Variants in CHN2 observed in about 807,000 individuals in gnomAD.
The protein encoded by CHN2 is beta-chimaerin.
A neutral mutation model predicts 56.3 loss-of-function variants in CHN2; 35 were observed. The ratio of observed to expected loss-of-function variants is 0.62; its 90% confidence interval spans 0.47 to 0.82. The LOEUF is 0.82. Ranked by LOEUF, CHN2 falls within the 40% of genes least tolerant of loss-of-function variation. The pLI, the probability that CHN2 is intolerant of heterozygous loss-of-function variation, is 0.00. For missense variants in CHN2, 491 were observed against 580.5 expected, an observed-to-expected ratio of 0.85 and a Z score of 1.58; for synonymous variants, 210 against 212.8, an observed-to-expected ratio of 0.99 and a Z score of 0.12.
intron 1 of CHN2, among the ~76,000 whole-genome samples, chr7:29,318,295 A>G (rs1310995632): frequency 2.0e-5 from 3 of 152,216 alleles, no homozygotes; most frequent in African/African-American, 7.2e-5. Context: ...ACCCAGCCAA[A>G]TTAATTGGCC....
At chr7:29,378,071 A>G (rs1366246674) in intron 3 of CHN2, among the ~76,000 whole-genome samples, 1 of 152,198 alleles carries the variant, frequency 6.6e-6, no homozygotes, top group Admixed American at 6.5e-5. Flanking sequence ...TTGCTCTGTC[A>G]TGGTTCTCAG....
chr7:29,293,404 T>G (rs1246224601), intron 1 of CHN2, among the ~76,000 whole-genome samples: 1 of 113,702 alleles, frequency 8.8e-6, no homozygotes, highest in Non-Finnish European at 1.7e-5. Flanking sequence ...CCACTCTCAG[T>G]CCTTGCCTTA....
At chr7:29,361,711 C>T (rs577289968) in intron 2 of CHN2, among the ~76,000 whole-genome samples, 1 of 152,276 alleles carries the variant, frequency 6.6e-6, no homozygotes, top group Admixed American at 6.5e-5. Flanking sequence ...GGGATTTAGC[C>T]TGTTGACATA....
At chr7:29,380,477 G>C (rs1288082192) in intron 3 of CHN2, among the ~76,000 whole-genome samples, 1 of 152,304 alleles carries the variant, frequency 6.6e-6, no homozygotes, top group East Asian at 1.9e-4. Context: ...CCATCTCCCA[G>C]ATTCTGTTCT....
At chr7:29,282,476 C>A (rs921999656) in intron 1 of CHN2, among the ~76,000 whole-genome samples, 2 of 152,146 alleles carry the variant, frequency 1.3e-5, no homozygotes, top group Admixed American at 1.3e-4. Context: ...AAATTGCAAA[C>A]CAGGGATGAT....
chr7:29,381,106 G>A (rs954680505), intron 3 of CHN2, among the ~76,000 whole-genome samples: 3 of 152,140 alleles, frequency 2.0e-5, no homozygotes. Context: ...TCTGGATTTT[G>A]AGTCTCCTTT....
chr7:29,174,461 A>G (rs1562808100), intron 2 of CHN2, among the ~76,000 whole-genome samples: 1 of 152,168 alleles, frequency 6.6e-6, no homozygotes, highest in Non-Finnish European at 1.5e-5. Flanking sequence ...CTGTCCAGAC[A>G]AGGGACAGGT....
intron 3 of CHN2, among the ~76,000 whole-genome samples, chr7:29,373,216 C>T (rs559565520): frequency 6.6e-6 from 1 of 150,992 alleles, no homozygotes; most frequent in African/African-American, 2.4e-5. Context: ...GCTTTGTCGC[C>T]CCCGAGCTGG....
chr7:29,500,561 G>A (rs1269010641), intron 9 of CHN2, among the ~76,000 whole-genome samples: 1 of 152,152 alleles, frequency 6.6e-6, no homozygotes, highest in Non-Finnish European at 1.5e-5. Flanking sequence ...TTTAGAGTGG[G>A]CAATCAGGGG....
rs563210090 is a variant in CHN2 at position 29,147,069 on chromosome 7, TG to T, written c.274+114del. 3.8e-3 allele frequency: 5,542 copies of T among 1,444,640 alleles called. 17 individuals carry two copies. Among genetic ancestry groups the T allele is most frequent in the Non-Finnish European group, 4.5e-3 (4,853 of 1,076,658 alleles). 89.5% of individuals were successfully genotyped at this position (1,444,640 alleles called of 1,614,324 possible). A position where few individuals can be genotyped will look rare whatever the true frequency, so the allele number is the denominator to read the frequency against. On this transcript the variant is annotated intron_variant, in intron 2 of 6. Transcript: ENST00000439384. The stretch of plus-strand genomic sequence containing the variant: ...TGTACCATTATACCCATTTTGCAAT[TG>T]GGGGACACAAACTAAGTGAGGTTAA...
intron 1 of CHN2, among the ~76,000 whole-genome samples, chr7:29,303,814 C>A (rs888675641): frequency 6.6e-6 from 1 of 152,214 alleles, no homozygotes; most frequent in Non-Finnish European, 1.5e-5. Context: ...AATCCCAGCA[C>A]TTTGGAAGGC....
chr7:29,247,397 C>T (rs571124159), intron 1 of CHN2, among the ~76,000 whole-genome samples: 86 of 152,190 alleles, frequency 5.7e-4, no homozygotes, highest in Admixed American at 1.6e-3. Flanking sequence ...CTCTCCGGCA[C>T]TCAGGGAAGT....
intron 1 of CHN2, among the ~76,000 whole-genome samples, chr7:29,268,697 G>T (rs1790364177): frequency 6.6e-6 from 1 of 152,166 alleles, no homozygotes; most frequent in Admixed American, 6.5e-5. Context: ...ACAACAGCTG[G>T]GCTGCTGGGA....
chr7:29,437,529 C>T (rs1783323745), intron 6 of CHN2, among the ~76,000 whole-genome samples: 2 of 84,724 alleles, frequency 2.4e-5, no homozygotes, highest in Non-Finnish European at 4.6e-5. Flanking sequence ...ACCTGGGAGG[C>T]GGAGCTTGCA....
At chr7:29,155,216 A>G (rs1197011583) in intron 2 of CHN2, among the ~76,000 whole-genome samples, 1 of 152,230 alleles carries the variant, frequency 6.6e-6, no homozygotes, top group African/African-American at 2.4e-5. Flanking sequence ...AAATGAAAAT[A>G]AAGAAGTATT....
At position 29,411,639 on chromosome 7, in the gene CHN2, G is replaced by A. The variant is rs1277646006; in HGVS notation, c.576+10811G>A. On this transcript the variant is annotated intron_variant, in intron 6 of 12. Coordinates refer to ENST00000222792, the MANE Select transcript of CHN2 (RefSeq NM_004067.4). ...CAGGGGAAGACAACAGACTTTTACC[G>A]TGAGTTCCAGGAGCCAGGCCTTTCA... 5.9e-5 allele frequency among the ~76,000 whole-genome samples: 9 copies of A among 152,164 alleles called. No homozygotes were observed. The South Asian group carries it at 6.2e-4, about 11-fold the overall frequency.
intron 1 of CHN2, among the ~76,000 whole-genome samples, chr7:29,251,425 G>C (rs1015493184): frequency 6.6e-6 from 1 of 152,080 alleles, no homozygotes; most frequent in Non-Finnish European, 1.5e-5. Flanking sequence ...CTGCATTTCA[G>C]CCTGGGCAAC....
intron 3 of CHN2, among the ~76,000 whole-genome samples, chr7:29,374,893 CTT>C (rs201800010): frequency 1.5e-5 from 2 of 134,538 alleles, no homozygotes; most frequent in Non-Finnish European, 1.6e-5. Flanking sequence ...TTCTCTCTTT[CTT>C]TTTTTTTTTT....
At chr7:29,293,909 CAGG>C (rs1792897751) in intron 1 of CHN2, among the ~76,000 whole-genome samples, 1 of 142,230 alleles carries the variant, frequency 7.0e-6, no homozygotes, top group African/African-American at 2.6e-5. Flanking sequence ...CTGTGTCGCC[CAGG>C]CTGGACTGCA....
Sources: gnomAD v4.1 joint callset for allele counts (sites outside exome capture counted in the v4.1 genomes callset) on GRCh38, gnomAD v4.1.1 for gene constraint, MANE v1.5 for transcripts, NCBI Gene and HGNC (gene_info 2026-07-23, HGNC 2026-07-21) for gene names.